Variants in TRDN observed in about 807,000 individuals in gnomAD.
TRDN encodes the protein triadin.
A neutral mutation model predicts 149.7 loss-of-function variants in TRDN; 161 were observed. That is an observed-to-expected ratio of 1.08 (90% CI 0.95 to 1.23). The LOEUF is 1.23. TRDN is among the 50% of genes most tolerant of loss of function. TRDN has a pLI of 0.00. For synonymous variants in TRDN, 294 were observed against 250.5 expected (o/e 1.17, Z -1.64); for missense variants, 896 against 823.5 (o/e 1.09, Z -1.08).
intron 24 of TRDN, among the ~76,000 whole-genome samples, chr6:123,280,965 G>GT (rs1777565931): frequency 1.3e-5 from 2 of 151,846 alleles, no homozygotes; most frequent in African/African-American, 2.4e-5. Context: ...AGATAAATAA[G>GT]TAAAACAAAT....
At chr6:123,273,252 A>G (rs1226730036) in intron 28 of TRDN, 85 bp downstream of exon 28, 2 of 970,214 alleles carry the variant, frequency 2.1e-6, no homozygotes, top group Non-Finnish European at 2.9e-6. Flanking sequence ...ATATAAAAGC[A>G]CAGGTTGAAA....
At chr6:123,356,524 T>TACATATATATATAC (rs1780688314) in intron 20 of TRDN, among the ~76,000 whole-genome samples, 1 of 77,538 alleles carries the variant, frequency 1.3e-5, no homozygotes, top group Admixed American at 1.4e-4. Flanking sequence ...TATATATATA[T>TACATATATATATAC]ATATATATAT....
chr6:123,296,470 C>T lies in TRDN; in HGVS notation c.1511-17388G>A, dbSNP rs556355133. On this transcript the variant is annotated intron_variant, in intron 24 of 40. Coordinates refer to ENST00000334268, the MANE Select transcript of TRDN (RefSeq NM_006073.4). ...TTCAATCAGTTTAGAAATGTTACTA[C>T]ATTTTACTTGAAGCCATTATGATTC... 5.5e-4 allele frequency among the ~76,000 whole-genome samples: 84 copies of T among 152,210 alleles called. No individual in the cohort carries two copies. In the East Asian group the frequency reaches 0.015, roughly 28 times the overall value.
chr6:123,362,491 T>A (rs1451737321), intron 20 of TRDN, among the ~76,000 whole-genome samples: 1 of 152,164 alleles, frequency 6.6e-6, no homozygotes, highest in Non-Finnish European at 1.5e-5. Flanking sequence ...TTACTGTTCC[T>A]CATATACATA....
chr6:123,259,691 A>G, intron 34 of TRDN, 29 bp from the exon 35 acceptor site: 1 of 1,435,266 alleles, frequency 7.0e-7, no homozygotes, highest in Non-Finnish European at 9.4e-7. Flanking sequence ...ACAAGAAACC[A>G]TCATTTTAAA....
chr6:123,274,620 A>G (rs759102036), intron 27 of TRDN, 21 bp downstream of exon 27: 79 of 1,600,002 alleles, frequency 4.9e-5, no homozygotes, highest in Non-Finnish European at 5.9e-5. Context: ...CTGAATCTAT[A>G]TAAAATAAAG....
At chr6:123,401,681 A>AT (rs767718589) in intron 12 of TRDN, among the ~76,000 whole-genome samples, 1 of 152,188 alleles carries the variant, frequency 6.6e-6, no homozygotes, top group Non-Finnish European at 1.5e-5. Context: ...GTAGTGCCTC[A>AT]TGCCTATAAT....
In TRDN at chr6:123,497,638, G is replaced by A. The variant is rs1270502867; in HGVS notation, c.794-386C>T. 2.0e-5 allele frequency among the ~76,000 whole-genome samples: 3 copies of A among 152,100 alleles called. No individual in the cohort carries two copies. In the East Asian group the frequency reaches 5.8e-4, roughly 29 times the overall value. Reference sequence around the variant, plus strand: ...AACAGAAGTTTCACAAGAGGAAATTGTTTCCAACTTGGAGTGTTTTATCAA... The same window carrying A: ...AACAGAAGTTTCACAAGAGGAAATTATTTCCAACTTGGAGTGTTTTATCAA... On this transcript the variant is annotated intron_variant, in intron 8 of 40. Transcript: ENST00000334268.
chr6:123,613,965 A>AT (rs1417793643), intron 1 of TRDN, among the ~76,000 whole-genome samples: 2 of 152,120 alleles, frequency 1.3e-5, no homozygotes, highest in Admixed American at 6.6e-5. Flanking sequence ...TGGTTTATTC[A>AT]TTTCAGTTGA....
chr6:123,319,590 C>A (rs973391602), intron 23 of TRDN, among the ~76,000 whole-genome samples: 2 of 152,016 alleles, frequency 1.3e-5, no homozygotes, highest in Non-Finnish European at 2.9e-5. Context: ...ACTGGGAGGC[C>A]AGAGAGACAG....
intron 1 of TRDN, among the ~76,000 whole-genome samples, chr6:123,603,782 C>G (rs7760343): frequency 6.6e-6 from 1 of 151,844 alleles, no homozygotes; most frequent in African/African-American, 2.4e-5. Flanking sequence ...TTTGCAATCA[C>G]TTCGTAAAAG....
At chr6:123,294,366 G>C (rs1004682016) in intron 24 of TRDN, among the ~76,000 whole-genome samples, 2 of 152,068 alleles carry the variant, frequency 1.3e-5, no homozygotes, top group African/African-American at 4.8e-5. Flanking sequence ...ATTGGCCCTT[G>C]CTTATTTAAC....
chr6:123,555,945 T>C (rs1445051543), intron 2 of TRDN, among the ~76,000 whole-genome samples: 1 of 152,154 alleles, frequency 6.6e-6, no homozygotes, highest in Non-Finnish European at 1.5e-5. Context: ...GATCCTCACA[T>C]GGACAGAAAT....
At chr6:123,404,668 C>T (rs1295129463) in intron 12 of TRDN, among the ~76,000 whole-genome samples, 1 of 151,968 alleles carries the variant, frequency 6.6e-6, no homozygotes, top group Non-Finnish European at 1.5e-5. Flanking sequence ...TTGTTTCGAA[C>T]TCTTGACCTC....
intron 20 of TRDN, among the ~76,000 whole-genome samples, chr6:123,361,377 T>TG (rs894551654): frequency 5.3e-5 from 8 of 151,730 alleles, no homozygotes; most frequent in African/African-American, 1.7e-4. Flanking sequence ...TGTCGGTGGG[T>TG]GGGGGGCAAA....
chr6:123,263,351 G>A (rs1317377049), intron 33 of TRDN, among the ~76,000 whole-genome samples: 2 of 152,000 alleles, frequency 1.3e-5, no homozygotes, highest in Admixed American at 6.6e-5. Context: ...AGAAAAGTTG[G>A]AAGCTACCAG....
intron 14 of TRDN, among the ~76,000 whole-genome samples, chr6:123,383,777 GATTAAATA>G (rs1210320013): frequency 1.3e-5 from 2 of 152,070 alleles, no homozygotes; most frequent in Non-Finnish European, 2.9e-5. Context: ...GTTGTGGACA[GATTAAATA>G]ATTAGGCAAG....
intron 1 of TRDN, among the ~76,000 whole-genome samples, chr6:123,606,151 TTAG>T (rs1475661311): frequency 2.0e-5 from 3 of 152,110 alleles, no homozygotes; most frequent in African/African-American, 7.2e-5. Flanking sequence ...ATTAAATAAT[TTAG>T]TAGAATGAGA....
chr6:123,234,277 T>A (rs1775709159), intron 38 of TRDN, among the ~76,000 whole-genome samples: 1 of 152,156 alleles, frequency 6.6e-6, no homozygotes, highest in Non-Finnish European at 1.5e-5. Flanking sequence ...GAAGTCATTT[T>A]ATAAAAACAA....
Sources: allele counts gnomAD v4.1 joint callset (sites outside exome capture counted in the v4.1 genomes callset), GRCh38; gene constraint gnomAD v4.1.1; transcripts MANE v1.5; gene names NCBI Gene and HGNC (gene_info 2026-07-23, HGNC 2026-07-21).